PIEZO2: variants seen among roughly 807,000 people sequenced by gnomAD.
PIEZO2 encodes the protein piezo type mechanosensitive ion channel component 2, also known as piezo-type mechanosensitive ion channel component 2.
A neutral mutation model predicts 337.3 loss-of-function variants in PIEZO2; 172 were observed. That is an observed-to-expected ratio of 0.51 (90% confidence interval 0.45 to 0.58). The LOEUF (loss-of-function observed/expected upper bound fraction) is 0.58. PIEZO2 is among the 20% of genes least tolerant of loss of function. The probability of loss-of-function intolerance (pLI) is 0.00; values close to 1 mark genes in which losing one functional copy is unlikely to be tolerated. For synonymous variants in PIEZO2, 1,251 were observed against 1,228.5 expected (o/e 1.02, Z -0.38); for missense variants, 3,028 against 3,391.3 (o/e 0.89, Z 2.66).
intron 11 of PIEZO2, among the ~76,000 whole-genome samples, chr18:10,800,104 C>T (rs2039756668): frequency 6.6e-6 from 1 of 152,106 alleles, no homozygotes; most frequent in Admixed American, 6.5e-5. Context: ...ACTATTTTCA[C>T]CTTTTATTTT....
At chr18:11,123,809 CAAA>C (rs11437477) in intron 1 of PIEZO2, among the ~76,000 whole-genome samples, 2 of 135,002 alleles carry the variant, frequency 1.5e-5, no homozygotes, top group Middle Eastern at 3.9e-3. Context: ...GACTCCGTCT[CAAA>C]AAAAAAAAAA....
At chr18:11,084,633 C>A (rs1467534813) in intron 1 of PIEZO2, among the ~76,000 whole-genome samples, 1 of 152,136 alleles carries the variant, frequency 6.6e-6, no homozygotes, top group Non-Finnish European at 1.5e-5. Context: ...TTACCCTTAG[C>A]AACTTTGATC....
In PIEZO2 at chr18:10,782,351, T is replaced by TATA. The variant is rs1165745585; in HGVS notation, c.2493-1986_2493-1985insTAT. Among the ~76,000 whole-genome samples, 15 of 58,612 alleles carry TATA rather than the reference T, an allele frequency of 2.6e-4. No individual in the cohort carries two copies. The South Asian group carries it at 2.9e-3, about 11-fold the overall frequency. 38.5% of individuals were successfully genotyped at this position (58,612 alleles called of 152,430 possible). On this transcript the variant is annotated intron_variant, in intron 17 of 55. Transcript: ENST00000674853. ...ATTATATATAAATAATTATAATATA[T>TATA]TATAATTATATATAAATAATTATAA... is the stretch of plus-strand genomic sequence containing the variant.
intron 1 of PIEZO2, among the ~76,000 whole-genome samples, chr18:11,147,967 T>C (rs1349838481): frequency 6.6e-6 from 1 of 152,222 alleles, no homozygotes; most frequent in Non-Finnish European, 1.5e-5. Context: ...GGGGCTTTTG[T>C]GGAGGTTTTA....
chr18:10,853,714 T>C lies in PIEZO2; in HGVS notation c.917+1639A>G, dbSNP rs542311228. 3.0e-4 allele frequency among the ~76,000 whole-genome samples: 46 copies of C among 152,340 alleles called. No homozygotes were observed. Among genetic ancestry groups the C allele is most frequent in the African/African-American group, 9.9e-4 (41 of 41,582 alleles). The stretch of plus-strand genomic sequence containing the variant: ...TTGTCTTCTCTCTGTTAACTATTCC[T>C]ATGTATGTATGTATCTATCAATCTA... On this transcript the variant is annotated intron_variant, in intron 7 of 55. Transcript: ENST00000674853. The surrounding 1 kb of genome is among the most constrained non-coding windows in gnomAD (Gnocchi z 4.2).
chr18:10,773,585 T>C lies in PIEZO2; in HGVS notation c.2612A>G (p.His871Arg). The change falls in exon 20 of 56, where the codon CAT (histidine) becomes CGT (arginine). Residue 871 changes from histidine to arginine, a missense_variant. Coordinates refer to ENST00000674853, the MANE Select transcript of PIEZO2 (RefSeq NM_001378183.1). This position sits in a 1 kb window ranked among gnomAD's most constrained non-coding sequence, Gnocchi z 5.3. ...EGSLPDLTMMHLTASLEKPEV... is the reference protein window; with the variant it reads ...EGSLPDLTMMRLTASLEKPEV... ...CGGCTTCTCCAGGCTGGCAGTCAGA[T>C]GCATCATGGTGAGGTCCGGGAGGCT... 2 of 1,537,356 alleles carry C rather than the reference T, an allele frequency of 1.3e-6. No individual in the cohort carries two copies. The highest frequency in any genetic ancestry group is 1.7e-6 in the Non-Finnish European group (2 of 1,146,944).
intron 15 of PIEZO2, 28 bp from the exon 16 acceptor site, chr18:10,787,212 AT>A (rs1471495263): frequency 1.6e-5 from 22 of 1,348,820 alleles, no homozygotes; most frequent in African/African-American, 7.3e-5. Context: ...AAAAAAAAAA[AT>A]GAGAAAAAAT....
chr18:10,742,384 G>T, intron 32 of PIEZO2, 110 bp downstream of exon 32: 1 of 1,240,576 alleles, frequency 8.1e-7, no homozygotes, highest in Non-Finnish European at 1.1e-6. Flanking sequence ...TCAAAAAAGT[G>T]TATCGATAAT....
rs1378822830 is a variant in PIEZO2, at chr18:10,846,959, C to T, written c.917+8394G>A. Reference sequence around the variant, plus strand: ...ACTACAACAATAAAAATCAGTAGCACTTGATATGCTCTCTCCTGCTTACTA... The same window carrying T: ...ACTACAACAATAAAAATCAGTAGCATTTGATATGCTCTCTCCTGCTTACTA... On this transcript the variant is annotated intron_variant, in intron 7 of 55. Transcript: ENST00000674853. This position sits in a 1 kb window ranked among gnomAD's most constrained non-coding sequence, Gnocchi z 4.1. 6.6e-6 allele frequency among the ~76,000 whole-genome samples: 1 copy of T among 152,170 alleles called. No homozygotes were observed. The highest frequency in any genetic ancestry group is 1.5e-5 in the Non-Finnish European group (1 of 68,026).
At chr18:11,065,890 C>T (rs1203351539) in intron 2 of PIEZO2, among the ~76,000 whole-genome samples, 1 of 152,188 alleles carries the variant, frequency 6.6e-6, no homozygotes, top group Non-Finnish European at 1.5e-5. Context: ...GCCATGCTTA[C>T]TATGAAGCCC....
At position 10,828,023 on chromosome 18, in the gene PIEZO2, T is replaced by C. The variant is rs944649013; in HGVS notation, c.918-20749A>G. ...CAGGTCACTAGGTTGATGGAGATTT[T>C]ATAAGCAAAAGATGAATAAACATAT... On this transcript the variant is annotated intron_variant, in intron 7 of 55. Transcript: ENST00000674853. This position sits in a 1 kb window ranked among gnomAD's most constrained non-coding sequence, Gnocchi z 4.1. 2.0e-5 allele frequency among the ~76,000 whole-genome samples: 3 copies of C among 152,158 alleles called. No individual in the cohort carries two copies. The highest frequency in any genetic ancestry group is 4.4e-5 in the Non-Finnish European group (3 of 68,018).
chr18:10,682,014 A>G lies in PIEZO2; in HGVS notation c.7686+90T>C, dbSNP rs2034288264. ...GTCAAATGCCGACAGCAGGGTCGGC[A>G]GCCCATGACTAAACACCCTACAGAC... On this transcript the variant is annotated intron_variant, in intron 50 of 55. Transcript: ENST00000674853. This position sits in a 1 kb window ranked among gnomAD's most constrained non-coding sequence, Gnocchi z 5.6. The G allele has an allele frequency of 7.8e-7, 1 of 1,287,676 alleles. No homozygotes were observed. The highest frequency in any genetic ancestry group is 1.5e-5 in the African/African-American group (1 of 66,658). 79.8% of individuals were successfully genotyped at this position (1,287,676 alleles called of 1,614,324 possible). A position where few individuals can be genotyped will look rare whatever the true frequency, so the allele number is the denominator to read the frequency against.
rs1215674365 is a variant in PIEZO2 at position 11,027,361 on chromosome 18, G to A, written c.160+38766C>T. Among the ~76,000 whole-genome samples the A allele has an allele frequency of 1.3e-5, 2 of 152,202 alleles. No homozygotes were observed. Among genetic ancestry groups the A allele is most frequent in the African/African-American group, 2.4e-5 (1 of 41,456 alleles). On this transcript the variant is annotated intron_variant, in intron 2 of 55. Transcript: ENST00000674853. This position sits in a 1 kb window ranked among gnomAD's most constrained non-coding sequence, Gnocchi z 4.2. ...ACTGCGACTGTCAATTCACCAGTGA[G>A]GCAAGGCAGGAATTGCCTGGTCAGA...
chr18:10,937,504 A>G (rs533364017), intron 3 of PIEZO2, among the ~76,000 whole-genome samples: 1 of 152,290 alleles, frequency 6.6e-6, no homozygotes, highest in African/African-American at 2.4e-5. Context: ...TTGCCTAAAT[A>G]TCTATATGTT....
At chr18:11,000,957 A>G (rs1016712773) in intron 2 of PIEZO2, among the ~76,000 whole-genome samples, 2 of 152,186 alleles carry the variant, frequency 1.3e-5, no homozygotes, top group Non-Finnish European at 2.9e-5. Flanking sequence ...CACCCCCAGC[A>G]CTGACCAGAA....
At position 11,104,227 on chromosome 18, in the gene PIEZO2, A is replaced by G. The variant is rs2039497283; in HGVS notation, c.65-38005T>C. Among the ~76,000 whole-genome samples, 1 of 152,124 alleles carries G rather than the reference A, an allele frequency of 6.6e-6. No individual in the cohort carries two copies. The highest frequency in any genetic ancestry group is 1.9e-4 in the East Asian group (1 of 5,182). On this transcript the variant is annotated intron_variant, in intron 1 of 55. Transcript: ENST00000674853. The surrounding 1 kb of genome is among the most constrained non-coding windows in gnomAD (Gnocchi z 4.6). ...GGTCTATGTAACACTTGGAGCCCAG[A>G]ATTTGGAGGCTTTTCACATACTCTG...
intron 3 of PIEZO2, among the ~76,000 whole-genome samples, chr18:10,936,449 A>T (rs922936468): frequency 3.9e-5 from 6 of 152,182 alleles, no homozygotes; most frequent in Non-Finnish European, 8.8e-5. Context: ...AAGTCTTAGG[A>T]AACCAAAGAA....
chr18:10,992,589 C>A (rs903311414), intron 2 of PIEZO2, among the ~76,000 whole-genome samples: 1 of 152,124 alleles, frequency 6.6e-6, no homozygotes, highest in Non-Finnish European at 1.5e-5. Context: ...TGGTCTATAT[C>A]TCTGTTTTGG....
chr18:10,748,451 G>A lies in PIEZO2; in HGVS notation c.4424+20C>T. The A allele has an allele frequency of 6.5e-7, 1 of 1,535,800 alleles. No homozygotes were observed. Reference sequence around the variant, plus strand: ...GCAAGTTTCCTGGGAGAAACCACCTGATTTCATGGCCTGACCCACCTTGAT... The same window carrying A: ...GCAAGTTTCCTGGGAGAAACCACCTAATTTCATGGCCTGACCCACCTTGAT... On this transcript the variant is annotated intron_variant, in intron 30 of 55. Transcript: ENST00000674853. The surrounding 1 kb of genome is among the most constrained non-coding windows in gnomAD (Gnocchi z 5.1).
Sources: allele counts gnomAD v4.1 joint callset (sites outside exome capture counted in the v4.1 genomes callset), GRCh38; gene constraint gnomAD v4.1.1; non-coding constraint Gnocchi (gnomAD v3.1); transcripts MANE v1.5; gene names NCBI Gene and HGNC (gene_info 2026-07-23, HGNC 2026-07-21).